The following CADM1 variants were observed in gnomAD, a reference collection of about 807,000 sequenced individuals.
CADM1 encodes cell adhesion molecule 1.
In CADM1, 15 loss-of-function variants were observed where a neutral mutation model predicts 53.1. The observed-to-expected ratio is 0.28, with a 90% CI of 0.19 to 0.44. The LOEUF is 0.44. Among genes scored for constraint, CADM1 ranks in the 20% least tolerant of loss-of-function variants. The pLI is 1.00. For synonymous variants in CADM1, 281 were observed against 243.0 expected, an observed-to-expected ratio of 1.16 and a Z score of -1.45; for missense variants, 434 against 611.3, an observed-to-expected ratio of 0.71 and a Z score of 3.06.
intron 1 of CADM1, among the ~76,000 whole-genome samples, chr11:115,345,528 A>G (rs994638519): frequency 6.6e-6 from 1 of 152,146 alleles, no homozygotes; most frequent in Non-Finnish European, 1.5e-5. Context: ...CCAGCTGCAT[A>G]ATAGCAATAA....
chr11:115,290,278 A>G (rs150785739), intron 1 of CADM1, among the ~76,000 whole-genome samples: 106 of 152,320 alleles, frequency 7.0e-4, no homozygotes, highest in African/African-American at 2.4e-3. Flanking sequence ...GGTCTATACA[A>G]CACGCTACTG....
At chr11:115,420,629 G>A (rs1947729922) in intron 1 of CADM1, among the ~76,000 whole-genome samples, 1 of 152,154 alleles carries the variant, frequency 6.6e-6, no homozygotes, top group African/African-American at 2.4e-5. Flanking sequence ...GCCAAAACAG[G>A]AGAGGTTCCT....
At chr11:115,388,614 T>G (rs566910658) in intron 1 of CADM1, among the ~76,000 whole-genome samples, 1 of 152,212 alleles carries the variant, frequency 6.6e-6, no homozygotes, top group Non-Finnish European at 1.5e-5. Flanking sequence ...TCCAGAATAA[T>G]AGTGAAGGAC....
intron 1 of CADM1, among the ~76,000 whole-genome samples, chr11:115,299,131 A>C (rs1944153264): frequency 6.6e-6 from 1 of 151,980 alleles, no homozygotes; most frequent in Non-Finnish European, 1.5e-5. Context: ...CTGGAAGGAA[A>C]CATGAAAGAC....
chr11:115,231,241 TA>T, intron 4 of CADM1, 111 bp downstream of exon 4: 1 of 1,202,510 alleles, frequency 8.3e-7, no homozygotes, highest in Non-Finnish European at 1.2e-6. Context: ...AAACCATATC[TA>T]AATGAATACT....
chr11:115,410,639 T>C (rs996153902), intron 1 of CADM1, among the ~76,000 whole-genome samples: 1 of 152,074 alleles, frequency 6.6e-6, no homozygotes, highest in African/African-American at 2.4e-5. Context: ...AAAGGTGCTC[T>C]TCGATGTTTA....
At chr11:115,413,321 T>C (rs1010420329) in intron 1 of CADM1, among the ~76,000 whole-genome samples, 2 of 152,250 alleles carry the variant, frequency 1.3e-5, no homozygotes, top group Non-Finnish European at 2.9e-5. Flanking sequence ...AGACTTAACA[T>C]TCTCATGCCA....
chr11:115,365,990 G>A (rs1719262189), intron 1 of CADM1, among the ~76,000 whole-genome samples: 1 of 152,178 alleles, frequency 6.6e-6, no homozygotes, highest in African/African-American at 2.4e-5. Flanking sequence ...TAGGTTTTAT[G>A]TATGAGGGCC....
intron 1 of CADM1, among the ~76,000 whole-genome samples, chr11:115,406,251 C>T (rs1020386593): frequency 1.3e-5 from 2 of 151,866 alleles, no homozygotes; most frequent in African/African-American, 4.8e-5. Context: ...TCACTCGCTT[C>T]CTTAAGGATT....
intron 7 of CADM1, among the ~76,000 whole-genome samples, chr11:115,209,961 G>A (rs546651345): frequency 6.6e-6 from 1 of 152,280 alleles, no homozygotes; most frequent in East Asian, 1.9e-4. Flanking sequence ...GATTTCAAAG[G>A]TGAGGTTAAA....
intron 1 of CADM1, among the ~76,000 whole-genome samples, chr11:115,428,780 CGT>C (rs45437796): frequency 0.89 from 133,781 of 151,074 alleles, 59,499 homozygotes; most frequent in Non-Finnish European, 0.94. Flanking sequence ...TGTGTGTGTG[CGT>C]GTGTGTGTGT....
Position 115,176,139 on chromosome 11 carries a change from G to C in CADM1, c.*335C>G. 8.6e-7 allele frequency: 1 copy of C among 1,157,306 alleles called. No individual in the cohort carries two copies. Among genetic ancestry groups the C allele is most frequent in the Non-Finnish European group, 1.1e-6 (1 of 928,290 alleles). The allele number at this position is 1,157,306 out of a possible 1,614,324, so 71.7% of individuals were successfully genotyped here. Reference sequence around the variant, plus strand: ...GGGAGGAAATAAATGTGCACAAAGGGGGAAAAGAAAGGAACGCAACAAACA... The same window carrying C: ...GGGAGGAAATAAATGTGCACAAAGGCGGAAAAGAAAGGAACGCAACAAACA... On this transcript the variant is annotated 3_prime_UTR_variant, in exon 12 of 12. Coordinates refer to ENST00000331581, the MANE Select transcript of CADM1 (RefSeq NM_001301043.2).
At chr11:115,485,640 C>G (rs1949356928) in intron 1 of CADM1, among the ~76,000 whole-genome samples, 1 of 152,152 alleles carries the variant, frequency 6.6e-6, no homozygotes, top group South Asian at 2.1e-4. Flanking sequence ...CATTCTGTCT[C>G]TTCTCTGCTG....
chr11:115,271,374 C>G (rs1943293471), intron 1 of CADM1, among the ~76,000 whole-genome samples: 1 of 152,078 alleles, frequency 6.6e-6, no homozygotes, highest in East Asian at 1.9e-4. Context: ...GCTCTGCCTC[C>G]CGGGTTCATG....
At position 115,483,687 on chromosome 11, in the gene CADM1, C is replaced by G. The variant is rs139866713; in HGVS notation, c.124+20584G>C. ...ACCTCCTCTCACTAGTTAAAAATACCGATGAGCATGAGAATTTGGCTTTTT... is the reference window on the plus strand; with the variant it reads ...ACCTCCTCTCACTAGTTAAAAATACGGATGAGCATGAGAATTTGGCTTTTT... On this transcript the variant is annotated intron_variant, in intron 1 of 11. Coordinates refer to ENST00000331581, the MANE Select transcript of CADM1 (RefSeq NM_001301043.2). Among the ~76,000 whole-genome samples, 47 of 152,196 alleles carry G rather than the reference C, an allele frequency of 3.1e-4. 1 individual carries two copies. The East Asian group carries it at 9.1e-3, about 29-fold the overall frequency.
rs1942095652 is a variant in CADM1 at position 115,238,626 on chromosome 11, G to C, written c.298C>G (p.Leu100Val). The C allele has an allele frequency of 1.2e-6, 2 of 1,613,872 alleles. No homozygotes were observed. Among genetic ancestry groups the C allele is most frequent in the African/African-American group, 1.3e-5 (1 of 75,022 alleles). ...TTGAGTTCACTGCTAGAAAAATTCA[G>C]CAACTGAAACCTGCTGTCCTTCAAA... ...RPLKDSRFQLLNFSSSELKVS... is the reference protein window; with the variant it reads ...RPLKDSRFQLVNFSSSELKVS... Residue 100 changes from leucine (L) to valine (V), a missense_variant, in exon 3 of 12, where the codon CTG (leucine) becomes GTG (valine). Around this residue, in one of 4 missense-constraint regions of CADM1, gnomAD observed 31 missense variants for 74.6 expected, o/e 0.42. Coordinates refer to ENST00000331581, the MANE Select transcript of CADM1 (RefSeq NM_001301043.2).
chr11:115,310,978 G>T (rs2135161947), intron 1 of CADM1, among the ~76,000 whole-genome samples: 1 of 152,242 alleles, frequency 6.6e-6, no homozygotes, highest in South Asian at 2.1e-4. Context: ...GATTCTATTT[G>T]TTGTTACAGG....
intron 1 of CADM1, among the ~76,000 whole-genome samples, chr11:115,277,036 G>A (rs1220498687): frequency 1.3e-5 from 2 of 152,196 alleles, no homozygotes; most frequent in Non-Finnish European, 2.9e-5. Context: ...GCAAAATACA[G>A]AATGGGGAAG....
At chr11:115,302,902 C>T (rs937702288) in intron 1 of CADM1, among the ~76,000 whole-genome samples, 3 of 152,112 alleles carry the variant, frequency 2.0e-5, no homozygotes, top group Admixed American at 6.6e-5. Context: ...TGTGCTGCTT[C>T]CAGGTTAGGA....
Sources: allele counts gnomAD v4.1 joint callset (sites outside exome capture counted in the v4.1 genomes callset), GRCh38; gene constraint gnomAD v4.1.1; regional missense constraint gnomAD v4.1.1; transcripts MANE v1.5; gene names NCBI Gene and HGNC (gene_info 2026-07-23, HGNC 2026-07-21).